Variants in SGCZ observed in about 807,000 individuals in gnomAD.
SGCZ encodes the protein sarcoglycan zeta.
Under a neutral mutation model 41.3 loss-of-function variants are expected in SGCZ, and 40 were observed. That is an observed-to-expected ratio of 0.97 (90% CI 0.75 to 1.26). The LOEUF (loss-of-function observed/expected upper bound fraction) is 1.26. Ranked by LOEUF, SGCZ falls within the 50% of genes most tolerant of loss-of-function variation. The pLI is 0.00. For synonymous variants in SGCZ, 206 were observed against 137.5 expected, an observed-to-expected ratio of 1.50 and a Z score of -3.49; for missense variants, 552 against 369.8, an observed-to-expected ratio of 1.49 and a Z score of -4.04.
intron 1 of SGCZ, among the ~76,000 whole-genome samples, chr8:15,177,463 T>C (rs1002739481): frequency 6.6e-6 from 1 of 152,188 alleles, no homozygotes; most frequent in Non-Finnish European, 1.5e-5. Flanking sequence ...TCTGTAAATG[T>C]TGACAACATC....
chr8:14,725,045 A>G (rs962756975), intron 1 of SGCZ, among the ~76,000 whole-genome samples: 18 of 152,020 alleles, frequency 1.2e-4, no homozygotes, highest in African/African-American at 3.1e-4. Context: ...TCTACTCTCT[A>G]TCTCCATGAG....
intron 2 of SGCZ, among the ~76,000 whole-genome samples, chr8:14,367,972 T>C (rs1585413456): frequency 6.6e-6 from 1 of 152,174 alleles, no homozygotes; most frequent in Non-Finnish European, 1.5e-5. Context: ...ACAAATATAA[T>C]AGGTGGTAGG....
chr8:14,619,481 G>A lies in SGCZ; in HGVS notation c.40-64555C>T, dbSNP rs1424333104. 8.5e-5 allele frequency among the ~76,000 whole-genome samples: 13 copies of A among 152,104 alleles called. 1 individual carries two copies. Among genetic ancestry groups the A allele is most frequent in the Admixed American group, 7.2e-4 (11 of 15,258 alleles). ...GAAAAAAATAAAGGGTATTCAATTAGGAAAAGAAGAAGTCAAACTGTCCCT... is the reference window on the plus strand; with the variant it reads ...GAAAAAAATAAAGGGTATTCAATTAAGAAAAGAAGAAGTCAAACTGTCCCT... On this transcript the variant is annotated intron_variant, in intron 1 of 7. Coordinates refer to ENST00000382080, the MANE Select transcript of SGCZ (RefSeq NM_139167.4).
chr8:14,277,799 C>G (rs1308963649), intron 3 of SGCZ, among the ~76,000 whole-genome samples: 1 of 152,116 alleles, frequency 6.6e-6, no homozygotes, highest in Non-Finnish European at 1.5e-5. Context: ...ATCTCCTTAT[C>G]TGAGGAAGGA....
chr8:14,090,378 G>C lies in SGCZ; in HGVS notation c.*65C>G. The C allele has an allele frequency of 6.5e-7, 1 of 1,534,056 alleles. No homozygotes were observed. Among genetic ancestry groups the C allele is most frequent in the Non-Finnish European group, 8.8e-7 (1 of 1,133,850 alleles). ...CTGGACTGATCACAAGGGAAACCGAGCAGAACTGTGAAGCAGACGGACAGG... is the reference window on the plus strand; with the variant it reads ...CTGGACTGATCACAAGGGAAACCGACCAGAACTGTGAAGCAGACGGACAGG... On this transcript the variant is annotated 3_prime_UTR_variant, in exon 8 of 8. Coordinates refer to ENST00000382080, the MANE Select transcript of SGCZ (RefSeq NM_139167.4).
chr8:14,623,961 T>C lies in SGCZ; in HGVS notation c.40-69035A>G, dbSNP rs529843616. Among the ~76,000 whole-genome samples the C allele has an allele frequency of 2.6e-5, 4 of 152,332 alleles. No individual in the cohort carries two copies. In the East Asian group the frequency reaches 7.7e-4, roughly 29 times the overall value. On this transcript the variant is annotated intron_variant, in intron 1 of 7. Coordinates refer to ENST00000382080, the MANE Select transcript of SGCZ (RefSeq NM_139167.4). ...TTAGGACACTGAAATTTTGTGTTGCTTTGTGACTGTAGCTTAGCGTAAACC... is the reference window on the plus strand; with the variant it reads ...TTAGGACACTGAAATTTTGTGTTGCCTTGTGACTGTAGCTTAGCGTAAACC...
intron 1 of SGCZ, among the ~76,000 whole-genome samples, chr8:15,154,014 T>C (rs1257387607): frequency 1.3e-5 from 2 of 152,030 alleles, no homozygotes; most frequent in Admixed American, 6.5e-5. Flanking sequence ...CGGTTCACGA[T>C]AGAGTTTGTG....
chr8:14,196,310 C>A (rs886182740), intron 4 of SGCZ, among the ~76,000 whole-genome samples: 7 of 150,000 alleles, frequency 4.7e-5, no homozygotes, highest in African/African-American at 1.7e-4. Context: ...GTTGCCCAGG[C>A]TGGAGTGCAA....
At chr8:14,940,033 AGTTTTGTTTAT>A (rs1800218300) in intron 1 of SGCZ, among the ~76,000 whole-genome samples, 2 of 152,226 alleles carry the variant, frequency 1.3e-5, no homozygotes, top group African/African-American at 4.8e-5. Context: ...ACTGTTTACA[AGTTTTGTTTAT>A]GTTTTTTACA....
At chr8:14,188,783 T>C (rs1043479804) in intron 4 of SGCZ, among the ~76,000 whole-genome samples, 1 of 151,886 alleles carries the variant, frequency 6.6e-6, no homozygotes, top group African/African-American at 2.4e-5. Flanking sequence ...AATCCCACTT[T>C]TTCCAGATTT....
intron 1 of SGCZ, among the ~76,000 whole-genome samples, chr8:15,073,865 G>T (rs532158736): frequency 6.6e-6 from 1 of 152,208 alleles, no homozygotes; most frequent in African/African-American, 2.4e-5. Context: ...ACTACATATT[G>T]CTCTAATTCC....
In SGCZ at chr8:14,417,644, G is replaced by A. The variant is rs149792219; in HGVS notation, c.235-93440C>T. ...TATTTTGAATAAACATAAAAATAAC[G>A]ATACAGCATGATGACTAGAGTTACT... On this transcript the variant is annotated intron_variant, in intron 2 of 7. Transcript: ENST00000382080. 9.3e-4 allele frequency among the ~76,000 whole-genome samples: 141 copies of A among 151,676 alleles called. 4 individuals are homozygous for A. In the East Asian group the frequency reaches 0.015, roughly 16 times the overall value.
chr8:14,200,918 T>C (rs752358491), intron 4 of SGCZ, among the ~76,000 whole-genome samples: 1 of 152,130 alleles, frequency 6.6e-6, no homozygotes, highest in Non-Finnish European at 1.5e-5. Context: ...CCTCAAAGCA[T>C]ATACAGAGCT....
chr8:15,094,478 T>C, intron 1 of SGCZ, among the ~76,000 whole-genome samples: 1 of 152,146 alleles, frequency 6.6e-6, no homozygotes, highest in East Asian at 1.9e-4. Flanking sequence ...AGGACACATA[T>C]GAGCCGGGAA....
chr8:14,367,723 G>T (rs889049443), intron 2 of SGCZ, among the ~76,000 whole-genome samples: 5 of 151,940 alleles, frequency 3.3e-5, no homozygotes, highest in African/African-American at 1.2e-4. Flanking sequence ...GAATATCAAG[G>T]GGAAACCACC....
intron 2 of SGCZ, among the ~76,000 whole-genome samples, chr8:14,533,530 A>G (rs1273424499): frequency 1.3e-5 from 2 of 152,022 alleles, no homozygotes; most frequent in Non-Finnish European, 2.9e-5. Flanking sequence ...TAGAACATTT[A>G]GATATATTCT....
intron 1 of SGCZ, among the ~76,000 whole-genome samples, chr8:14,811,518 CTTTTTTTTT>C (rs71209087): frequency 1.6e-4 from 8 of 49,748 alleles, no homozygotes; most frequent in Admixed American, 3.7e-4. Context: ...GACACTGCAT[CTTTTTTTTT>C]TTTTTTTTTT....
chr8:14,823,296 C>T (rs1472645444), intron 1 of SGCZ, among the ~76,000 whole-genome samples: 1 of 151,864 alleles, frequency 6.6e-6, no homozygotes, highest in East Asian at 1.9e-4. Context: ...GATGAGACGA[C>T]ATACAAAACA....
intron 1 of SGCZ, among the ~76,000 whole-genome samples, chr8:14,600,360 A>T (rs983953094): frequency 2.6e-5 from 4 of 152,178 alleles, no homozygotes; most frequent in Non-Finnish European, 5.9e-5. Flanking sequence ...TATTCCTCTG[A>T]AATCTGGGAT....
Sources: allele counts gnomAD v4.1 joint callset (sites outside exome capture counted in the v4.1 genomes callset), GRCh38; gene constraint gnomAD v4.1.1; transcripts MANE v1.5; gene names NCBI Gene and HGNC (gene_info 2026-07-23, HGNC 2026-07-21).